The following HSF2BP variants were observed in gnomAD, a reference collection of about 807,000 sequenced individuals.
HSF2BP encodes heat shock factor 2-binding protein.
In HSF2BP, 35 loss-of-function variants were observed where a neutral mutation model predicts 35.0. That is an observed-to-expected ratio of 1.00 (90% CI 0.76 to 1.32). The LOEUF (loss-of-function observed/expected upper bound fraction) is 1.32. Ranked by LOEUF, HSF2BP falls within the 40% of genes most tolerant of loss-of-function variation. HSF2BP has a pLI of 0.00. For synonymous variants in HSF2BP, 114 were observed against 117.4 expected (o/e 0.97, Z 0.18); for missense variants, 326 against 321.7 (o/e 1.01, Z -0.10).
chr21:43,582,419 G>A (rs1601617269), intron 8 of HSF2BP, among the ~76,000 whole-genome samples: 1 of 149,056 alleles, frequency 6.7e-6, no homozygotes, highest in African/African-American at 2.5e-5. Flanking sequence ...AGGAGATGAG[G>A]GCCTGTTGCG....
At chr21:43,657,922 G>A in intron 2 of HSF2BP, 139 bp downstream of exon 2, 2 of 1,469,116 alleles carry the variant, frequency 1.4e-6, no homozygotes, top group Non-Finnish European at 1.8e-6. Flanking sequence ...CCCAGCCCAC[G>A]CCGTTAGGGG....
intron 4 of HSF2BP, among the ~76,000 whole-genome samples, chr21:43,644,007 T>C (rs1443476729): frequency 6.6e-6 from 1 of 152,136 alleles, no homozygotes; most frequent in East Asian, 1.9e-4. Context: ...TATTTTGTTA[T>C]AGCAACACAA....
At chr21:43,654,029 A>C (rs2082832684) in intron 3 of HSF2BP, among the ~76,000 whole-genome samples, 1 of 152,010 alleles carries the variant, frequency 6.6e-6, no homozygotes, top group Non-Finnish European at 1.5e-5. Flanking sequence ...AGTAAAAATC[A>C]GCTTGCACCG....
the HSF2BP span, among the ~76,000 whole-genome samples, chr21:43,507,196 T>C: frequency 7.0e-5 from 9 of 128,218 alleles, 3 homozygotes; most frequent in East Asian, 1.9e-3. Flanking sequence ...AACTCAGTTG[T>C]AAGAAAACCC....
chr21:43,644,187 G>C lies in HSF2BP; in HGVS notation c.291+102C>G, dbSNP rs2082677672. The C allele has an allele frequency of 1.1e-5, 8 of 757,524 alleles. No homozygotes were observed. The East Asian group carries it at 2.0e-4, about 19-fold the overall frequency. The allele number at this position is 757,524 out of a possible 1,614,324, so 46.9% of individuals were successfully genotyped here. ...ACATTTACAAATACAATTTATTGAG[G>C]ATTAAGAGTAAAAAATTCAGTCCCA... On this transcript the variant is annotated intron_variant, in intron 4 of 8. Coordinates refer to ENST00000291560, the MANE Select transcript of HSF2BP (RefSeq NM_007031.2).
chr21:43,647,361 G>C (rs1292490739), intron 3 of HSF2BP, among the ~76,000 whole-genome samples: 1 of 151,996 alleles, frequency 6.6e-6, no homozygotes, highest in Non-Finnish European at 1.5e-5. Context: ...CGAGTAGCTG[G>C]GACTACAGGC....
chr21:43,620,716 A>T (rs1482949768), intron 6 of HSF2BP, among the ~76,000 whole-genome samples: 2 of 151,992 alleles, frequency 1.3e-5, no homozygotes, highest in Non-Finnish European at 2.9e-5. Context: ...CATCATCATC[A>T]TCATCATCAT....
chr21:43,642,132 ATAAAAAAATTT>A (rs1042145866), intron 4 of HSF2BP, among the ~76,000 whole-genome samples: 11 of 152,116 alleles, frequency 7.2e-5, no homozygotes, highest in African/African-American at 2.7e-4. Context: ...CCCCATCTCT[ATAAAAAAATTT>A]TAAAAATTGT....
the HSF2BP span, among the ~76,000 whole-genome samples, chr21:43,468,008 C>G: frequency 1.6e-5 from 2 of 122,942 alleles, no homozygotes; most frequent in African/African-American, 6.4e-5. Context: ...ACCACACACA[C>G]CACAAACCAT....
chr21:43,612,173 T>G (rs531117222), intron 7 of HSF2BP, among the ~76,000 whole-genome samples: 2 of 152,276 alleles, frequency 1.3e-5, no homozygotes, highest in Non-Finnish European at 2.9e-5. Flanking sequence ...AACACCAGCA[T>G]TTCCCAAGGA....
At chr21:43,573,299 G>C (rs925739499) in intron 8 of HSF2BP, among the ~76,000 whole-genome samples, 15 of 152,232 alleles carry the variant, frequency 9.9e-5, no homozygotes, top group African/African-American at 3.4e-4. Context: ...CCAGCTGTGT[G>C]GTGGGCCCAT....
intron 7 of HSF2BP, among the ~76,000 whole-genome samples, chr21:43,599,528 T>C (rs2082026056): frequency 6.6e-6 from 1 of 152,204 alleles, no homozygotes. Flanking sequence ...ATGCAGTGGC[T>C]CATGCCTGTA....
intron 7 of HSF2BP, among the ~76,000 whole-genome samples, chr21:43,593,184 G>A (rs1041504107): frequency 5.3e-5 from 8 of 152,146 alleles, no homozygotes; most frequent in South Asian, 2.1e-4. Context: ...GGGACCGAGC[G>A]AAAAGCCTCA....
At chr21:43,604,960 ACAC>A (rs1216766775) in intron 7 of HSF2BP, among the ~76,000 whole-genome samples, 1 of 134,198 alleles carries the variant, frequency 7.5e-6, no homozygotes, top group African/African-American at 2.8e-5. Context: ...TACACCACAC[ACAC>A]ACTACACACC....
chr21:43,628,089 G>A (rs1027520477), intron 6 of HSF2BP, among the ~76,000 whole-genome samples: 1 of 152,110 alleles, frequency 6.6e-6, no homozygotes, highest in African/African-American at 2.4e-5. Context: ...GCTATTCCCT[G>A]AGACACAACA....
At chr21:43,651,763 C>G (rs1193849403) in intron 3 of HSF2BP, among the ~76,000 whole-genome samples, 1 of 152,208 alleles carries the variant, frequency 6.6e-6, no homozygotes, top group Non-Finnish European at 1.5e-5. Flanking sequence ...CTTTCACATG[C>G]CACCGCCCTG....
At chr21:43,496,070 A>G in the HSF2BP span, among the ~76,000 whole-genome samples, 2 of 134,876 alleles carry the variant, frequency 1.5e-5, 1 homozygote, top group African/African-American at 5.4e-5. Context: ...GCCACACACT[A>G]TCACTCACAC....
chr21:43,627,653 T>C (rs1358646585), intron 6 of HSF2BP, among the ~76,000 whole-genome samples: 1 of 152,180 alleles, frequency 6.6e-6, no homozygotes, highest in African/African-American at 2.4e-5. Context: ...GTTTACACAC[T>C]CTCAACCCTG....
chr21:43,582,168 TG>T (rs2081755260), intron 8 of HSF2BP, among the ~76,000 whole-genome samples: 1 of 51,442 alleles, frequency 1.9e-5, no homozygotes, highest in Admixed American at 2.7e-4. Context: ...GGCCCTGCTG[TG>T]GGGGATGAGG....
Sources: allele counts gnomAD v4.1 joint callset (sites outside exome capture counted in the v4.1 genomes callset), GRCh38; gene constraint gnomAD v4.1.1; transcripts MANE v1.5; gene names NCBI Gene and HGNC (gene_info 2026-07-23, HGNC 2026-07-21).